The following REELD1 variants were observed in gnomAD, a reference collection of about 807,000 sequenced individuals.
REELD1 encodes reelin domain-containing protein 1.
Under a neutral mutation model 6.3 loss-of-function variants are expected in REELD1, and 12 were observed. That is an observed-to-expected ratio of 1.89 (90% confidence interval 1.21 to 3.07). The LOEUF (loss-of-function observed/expected upper bound fraction) is 3.07, where lower values mean the gene tolerates loss of function less well. Among genes scored for constraint, REELD1 ranks in the 30% most tolerant of loss-of-function variants. REELD1 has a pLI of 0.00. For synonymous variants in REELD1, 57 were observed against 33.6 expected (o/e 1.70, Z -2.42); for missense variants, 163 against 86.8 (o/e 1.88, Z -3.49).
At position 146,230,434 on chromosome 4, in the gene REELD1, G is replaced by C. The variant is rs1193761504; in HGVS notation, c.1502G>C (p.Gly501Ala). ...SGETVHVRKI[G>A]ENSFVLVQAE... ...GAGACTGTGCACGTCAGGAAGATTG[G>C]GGAGAACAGTTTTGTTTTGGTTCAA... The change falls in exon 8 of 8, where the codon GGG becomes GCG. Residue 501 changes from glycine (G) to alanine (A), a missense_variant. Physicochemically the swap from Gly to Ala is moderately conservative, Grantham distance 60. Coordinates refer to ENST00000623665, the MANE Select transcript of REELD1 (RefSeq NM_001354631.1). 1 of 398,602 alleles carries C rather than the reference G, an allele frequency of 2.5e-6. No individual in the cohort carries two copies. Among genetic ancestry groups the C allele is most frequent in the East Asian group, 3.6e-5 (1 of 28,090 alleles). 24.7% of individuals were successfully genotyped at this position (398,602 alleles called of 1,614,324 possible). A position where few individuals can be genotyped will look rare whatever the true frequency, so the allele number is the denominator to read the frequency against.
At chr4:146,228,558 T>C (rs1406458129) in intron 6 of REELD1, 36 bp downstream of exon 6, 1 of 684,644 alleles carries the variant, frequency 1.5e-6, no homozygotes, top group Non-Finnish European at 2.7e-6. Context: ...GGACAGGTGA[T>C]GGGACTAGGA....
Position 146,224,261 on chromosome 4 carries a change from G to A in REELD1, c.432-184G>A, listed in dbSNP as rs186629440. 2.6e-5 allele frequency among the ~76,000 whole-genome samples: 4 copies of A among 152,192 alleles called. No homozygotes were observed. The Middle Eastern group carries it at 0.01, about 388-fold the overall frequency. ...AATTATTTGCAACTATGGGGTTTTT[G>A]TTTTTAAAAAGAATGAAGTCACTCA... is the stretch of plus-strand genomic sequence containing the variant. On this transcript the variant is annotated intron_variant, in intron 4 of 7. Transcript: ENST00000623665.
intron 4 of REELD1, 83 bp downstream of exon 4, chr4:146,222,662 T>A (rs1428166668): frequency 5.0e-6 from 2 of 397,650 alleles, no homozygotes; most frequent in African/African-American, 4.1e-5. Flanking sequence ...TGACTTCATA[T>A]TCCCTTTCCC....
In REELD1 at chr4:146,228,244, C is replaced by T. The variant is rs1390048216; in HGVS notation, c.630C>T (p.His210=). 2 of 702,568 alleles carry T rather than the reference C, an allele frequency of 2.8e-6. No individual in the cohort carries two copies. The highest frequency in any genetic ancestry group is 3.0e-5 in the South Asian group (2 of 67,598). The allele number at this position is 702,568 out of a possible 1,614,324, so 43.5% of individuals were successfully genotyped here. The part of the protein sequence containing the change: ...PRTPITLPQQ[H]THVFAVALPG... Reference sequence around the variant, plus strand: ...CCCCCATCACTCTTCCACAGCAGCACACACATGTCTTTGCTGTTGCCCTTC... The same window carrying T: ...CCCCCATCACTCTTCCACAGCAGCATACACATGTCTTTGCTGTTGCCCTTC... Residue 210 remains histidine, a synonymous_variant, in exon 6 of 8, where the codon CAC becomes CAT. Coordinates refer to ENST00000623665, the MANE Select transcript of REELD1 (RefSeq NM_001354631.1).
At chr4:146,219,808 G>A (rs560227877) in intron 3 of REELD1, among the ~76,000 whole-genome samples, 4 of 152,268 alleles carry the variant, frequency 2.6e-5, no homozygotes, top group East Asian at 3.9e-4. Flanking sequence ...ATGCATTTAA[G>A]CATATGTGAG....
rs1731105499 is a variant in REELD1, at chr4:146,230,271, C to G, written c.1339C>G (p.Leu447Val). Residue 447 changes from leucine (L) to valine (V), a missense_variant, in exon 8 of 8, where the codon CTG (leucine) becomes GTG (valine). Leu to Val is a conservative substitution (Grantham distance 32). Transcript: ENST00000623665. ...GCTCAGAACTCCTCAGCTGGGAATTCTGCTTTGCCTGTCAGCCACCCTGGG... is the reference window on the plus strand; with the variant it reads ...GCTCAGAACTCCTCAGCTGGGAATTGTGCTTTGCCTGTCAGCCACCCTGGG... ...IQLRTPQLGI[L>V]LCLSATLGMA... 2.5e-6 allele frequency: 1 copy of G among 398,896 alleles called. No homozygotes were observed. The highest frequency in any genetic ancestry group is 4.4e-5 in the Admixed American group (1 of 22,744). 24.7% of individuals were successfully genotyped at this position (398,896 alleles called of 1,614,324 possible). A position where few individuals can be genotyped will look rare whatever the true frequency, so the allele number is the denominator to read the frequency against.
intron 7 of REELD1, 131 bp downstream of exon 7, chr4:146,229,219 C>T (rs1731082802): frequency 3.3e-6 from 2 of 603,748 alleles, no homozygotes; most frequent in Non-Finnish European, 5.9e-6. Context: ...GTACAATATA[C>T]ACACAGTGTC....
intron 7 of REELD1, among the ~76,000 whole-genome samples, chr4:146,229,623 A>G (rs146996851): frequency 1.3e-5 from 2 of 152,098 alleles, no homozygotes; most frequent in African/African-American, 2.4e-5. Context: ...TCACCCATTG[A>G]TATTTTGGTT....
At position 146,222,456 on chromosome 4, in the gene REELD1, A is replaced by T. The variant is rs998374703; in HGVS notation, c.308A>T (p.His103Leu). The T allele has an allele frequency of 5.0e-6, 2 of 398,410 alleles. No individual in the cohort carries two copies. Among genetic ancestry groups the T allele is most frequent in the African/African-American group, 4.1e-5 (2 of 48,600 alleles). 24.7% of individuals were successfully genotyped at this position (398,410 alleles called of 1,614,324 possible). A position where few individuals can be genotyped will look rare whatever the true frequency, so the allele number is the denominator to read the frequency against. Residue 103 changes from histidine to leucine, a missense_variant, in exon 4 of 8, where the codon CAT (histidine) becomes CTT (leucine). Physicochemically the swap from His to Leu is moderately conservative, Grantham distance 99. Transcript: ENST00000623665. ...IAGTFVLIPP[H>L]SKLMTCFQEA... Reference sequence around the variant, plus strand: ...GGCACTTTCGTTCTCATTCCTCCTCATTCCAAACTGATGACTTGTTTTCAA... The same window carrying T: ...GGCACTTTCGTTCTCATTCCTCCTCTTTCCAAACTGATGACTTGTTTTCAA...
chr4:146,224,314 C>T (rs1730981683), intron 4 of REELD1, 131 bp from the exon 5 acceptor site: 2 of 442,740 alleles, frequency 4.5e-6, no homozygotes, highest in African/African-American at 2.0e-5. Flanking sequence ...CTCTCTCTCT[C>T]ATTCTGCTAT....
rs962866594 is a variant in REELD1 at position 146,230,661 on chromosome 4, A to C, written c.*148A>C. On this transcript the variant is annotated 3_prime_UTR_variant, in exon 8 of 8. Coordinates refer to ENST00000623665, the MANE Select transcript of REELD1 (RefSeq NM_001354631.1). The stretch of plus-strand genomic sequence containing the variant: ...AGTTAGTGGAGGAACCCGGGAGAGG[A>C]CACTTTCATCAACAGAGGGAGTTAT... The C allele has an allele frequency of 3.8e-5, 15 of 396,100 alleles. No homozygotes were observed. In the Admixed American group the frequency reaches 4.0e-4, roughly 10 times the overall value. 24.5% of individuals were successfully genotyped at this position (396,100 alleles called of 1,614,324 possible).
At chr4:146,226,991 T>C (rs2110924368) in intron 5 of REELD1, among the ~76,000 whole-genome samples, 1 of 152,372 alleles carries the variant, frequency 6.6e-6, no homozygotes. Context: ...CAGGCTGGTC[T>C]CGAACTCCTG....
rs150168061 is a variant in REELD1 at position 146,225,624 on chromosome 4, T to A, written c.595+1016T>A. Among the ~76,000 whole-genome samples, 324 of 152,300 alleles carry A rather than the reference T, an allele frequency of 2.1e-3. 1 individual carries two copies. Among genetic ancestry groups the A allele is most frequent in the African/African-American group, 7.4e-3 (309 of 41,574 alleles). On this transcript the variant is annotated intron_variant, in intron 5 of 7. Coordinates refer to ENST00000623665, the MANE Select transcript of REELD1 (RefSeq NM_001354631.1). The stretch of plus-strand genomic sequence containing the variant: ...TGAGACCATGGCCTGGAGAAGACCC[T>A]GCACCCCTGACATATGTTTGAAATC...
At chr4:146,218,012 C>A (rs529409028) in intron 3 of REELD1, among the ~76,000 whole-genome samples, 1 of 152,138 alleles carries the variant, frequency 6.6e-6, no homozygotes. Context: ...AGGGAAAGAA[C>A]GTGAGCGCAG....
At position 146,230,883 on chromosome 4, in the gene REELD1, T is replaced by G. The variant is rs1731120327; in HGVS notation, c.*370T>G. 1 of 159,826 alleles carries G rather than the reference T, an allele frequency of 6.3e-6. No homozygotes were observed. Among genetic ancestry groups the G allele is most frequent in the South Asian group, 2.0e-4 (1 of 4,888 alleles). The allele number at this position is 159,826 out of a possible 1,614,324, so 9.9% of individuals were successfully genotyped here. On this transcript the variant is annotated 3_prime_UTR_variant, in exon 8 of 8. Transcript: ENST00000623665. The stretch of plus-strand genomic sequence containing the variant: ...ATAAAAATACTGTCCCTCCTTAGTG[T>G]CTCATCTCTTCTAACTCTTTGGGGA...
chr4:146,229,971 C>T lies in REELD1; in HGVS notation c.1039C>T (p.Pro347Ser), dbSNP rs1731098398. 3 of 398,704 alleles carry T rather than the reference C, an allele frequency of 7.5e-6. No homozygotes were observed. Among genetic ancestry groups the T allele is most frequent in the Non-Finnish European group, 1.3e-5 (3 of 226,146 alleles). The allele number at this position is 398,704 out of a possible 1,614,324, so 24.7% of individuals were successfully genotyped here. A position where few individuals can be genotyped will look rare whatever the true frequency, so the allele number is the denominator to read the frequency against. The change falls in exon 8 of 8, where the codon CCC becomes TCC. Residue 347 changes from proline (P) to serine (S), a missense_variant. Coordinates refer to ENST00000623665, the MANE Select transcript of REELD1 (RefSeq NM_001354631.1). ...TCTGTCCACCGTCCAGCTTACCTAT[C>T]CCCAGTGCCTCTGGTCCTCTGAAAC... ...PPLSTVQLTY[P>S]QCLWSSETFT...
At chr4:146,222,904 G>A (rs1409667425) in intron 4 of REELD1, among the ~76,000 whole-genome samples, 1 of 152,172 alleles carries the variant, frequency 6.6e-6, no homozygotes, top group Non-Finnish European at 1.5e-5. Flanking sequence ...GGGGAAGGCA[G>A]GAGAGAGCCA....
intron 4 of REELD1, 80 bp downstream of exon 4, chr4:146,222,659 A>G (rs916447731): frequency 1.8e-5 from 7 of 397,878 alleles, no homozygotes; most frequent in Non-Finnish European, 3.1e-5. Flanking sequence ...CCCTGACTTC[A>G]TATTCCCTTT....
chr4:146,226,858 C>T (rs1427491330), intron 5 of REELD1, among the ~76,000 whole-genome samples: 2 of 152,232 alleles, frequency 1.3e-5, no homozygotes, highest in East Asian at 3.8e-4. Context: ...ACAACCTCCA[C>T]CTCCTGGGTT....
Sources: allele counts gnomAD v4.1 joint callset (sites outside exome capture counted in the v4.1 genomes callset), GRCh38; gene constraint gnomAD v4.1.1; transcripts MANE v1.5; gene names NCBI Gene and HGNC (gene_info 2026-07-23, HGNC 2026-07-21).